Variants in DLGAP2 observed in about 807,000 individuals in gnomAD.
The protein encoded by DLGAP2 is DLG associated protein 2.
Under a neutral mutation model 100.3 loss-of-function variants are expected in DLGAP2, and 26 were observed. The observed-to-expected ratio is 0.26, with a 90% CI of 0.19 to 0.36. DLGAP2 has a LOEUF of 0.36. Ranked by LOEUF, DLGAP2 falls within the 10% of genes least tolerant of loss-of-function variation. DLGAP2 has a pLI of 1.00. For missense variants in DLGAP2, 1,858 were observed against 1,453.2 expected (o/e 1.28, Z -4.53); for synonymous variants, 886 against 630.1 (o/e 1.41, Z -6.08).
At chr8:1,334,858 C>T (rs780020262) in intron 3 of DLGAP2, among the ~76,000 whole-genome samples, 16 of 152,134 alleles carry the variant, frequency 1.1e-4, no homozygotes, top group Non-Finnish European at 1.9e-4. Flanking sequence ...GCTGTCTTGC[C>T]TCTCTCGCCT....
intron 6 of DLGAP2, among the ~76,000 whole-genome samples, chr8:1,602,484 C>G (rs1394667422): frequency 6.6e-6 from 1 of 152,220 alleles, no homozygotes; most frequent in African/African-American, 2.4e-5. Flanking sequence ...GCCATGTTGC[C>G]CAGAGCTAGC....
chr8:765,680 A>G (rs546761424), intron 1 of DLGAP2, among the ~76,000 whole-genome samples: 3 of 152,294 alleles, frequency 2.0e-5, no homozygotes, highest in South Asian at 4.1e-4. Context: ...CTAAGACTCT[A>G]TGGAGTTTCC....
intron 2 of DLGAP2, among the ~76,000 whole-genome samples, chr8:1,048,794 G>A (rs909749474): frequency 6.6e-6 from 1 of 152,020 alleles, no homozygotes; most frequent in Non-Finnish European, 1.5e-5. Context: ...ACCCTCTCCT[G>A]TGTGCCTTTC....
intron 2 of DLGAP2, among the ~76,000 whole-genome samples, chr8:1,101,374 C>T (rs553464596): frequency 4.7e-4 from 71 of 152,132 alleles, no homozygotes; most frequent in African/African-American, 1.1e-3. Context: ...ATTAGAATTC[C>T]GCCACAGGCT....
intron 1 of DLGAP2, among the ~76,000 whole-genome samples, chr8:877,580 T>C (rs906202994): frequency 7.2e-5 from 11 of 152,240 alleles, no homozygotes; most frequent in Non-Finnish European, 1.6e-4. Flanking sequence ...TGTGGCTTCT[T>C]TGAAGGAATA....
chr8:769,725 C>A (rs771522621), intron 1 of DLGAP2, among the ~76,000 whole-genome samples: 22 of 152,162 alleles, frequency 1.4e-4, no homozygotes, highest in Non-Finnish European at 2.6e-4. Context: ...TTCTACTCCC[C>A]TTCCTCCTAG....
chr8:1,414,941 G>T (rs1346020051), intron 3 of DLGAP2, among the ~76,000 whole-genome samples: 1 of 152,130 alleles, frequency 6.6e-6, no homozygotes, highest in Non-Finnish European at 1.5e-5. Flanking sequence ...CCTGGGAGGT[G>T]GAGGTTTCAG....
At chr8:857,761 G>A (rs928213971) in intron 1 of DLGAP2, among the ~76,000 whole-genome samples, 6 of 152,164 alleles carry the variant, frequency 3.9e-5, no homozygotes, top group East Asian at 1.9e-4. Context: ...ACTGAAGACC[G>A]CTAGGTGGTT....
intron 3 of DLGAP2, among the ~76,000 whole-genome samples, chr8:1,489,752 G>T (rs756816747): frequency 6.6e-6 from 1 of 152,166 alleles, no homozygotes; most frequent in Non-Finnish European, 1.5e-5. Flanking sequence ...AAACCGCATC[G>T]AGTTTGAGTA....
chr8:1,300,899 T>G (rs1800320473), intron 3 of DLGAP2: 1 of 152,372 alleles, frequency 6.6e-6, no homozygotes, highest in Middle Eastern at 3.4e-3. Context: ...TGAGGCCGCG[T>G]AGATAAACCC....
intron 3 of DLGAP2, among the ~76,000 whole-genome samples, chr8:1,362,942 G>C (rs951857206): frequency 6.6e-6 from 1 of 151,910 alleles, no homozygotes; most frequent in African/African-American, 2.4e-5. Flanking sequence ...TCTTCACTTC[G>C]GGGCAGCACC....
In DLGAP2 at chr8:1,497,018, G is replaced by A. The variant is rs147867411; in HGVS notation, c.107-4348G>A. ...GGTTTACGGGGTCTCCAGGTCACAC[G>A]TTATGGAGCACTGCCTTCATCAAGC... is the stretch of plus-strand genomic sequence containing the variant. On this transcript the variant is annotated intron_variant, in intron 3 of 14. Transcript: ENST00000637795. Among the ~76,000 whole-genome samples the A allele has an allele frequency of 2.0e-3, 300 of 152,208 alleles. 2 individuals carry two copies. Among genetic ancestry groups the A allele is most frequent in the African/African-American group, 6.8e-3 (283 of 41,520 alleles).
chr8:1,375,463 GGCCTC>G (rs1460460416), intron 3 of DLGAP2, among the ~76,000 whole-genome samples: 2 of 12,968 alleles, frequency 1.5e-4, no homozygotes, highest in Non-Finnish European at 1.4e-4. Context: ...ACCTCTCCAC[GGCCTC>G]AGAACTGAGC....
chr8:940,605 G>A lies in DLGAP2; in HGVS notation c.73+32639G>A, dbSNP rs560535203. 4.6e-5 allele frequency among the ~76,000 whole-genome samples: 7 copies of A among 152,278 alleles called. No homozygotes were observed. In the South Asian group the frequency reaches 1.5e-3, roughly 32 times the overall value. On this transcript the variant is annotated intron_variant, in intron 2 of 14. Coordinates refer to ENST00000637795, the MANE Select transcript of DLGAP2 (RefSeq NM_001346810.2). Reference sequence around the variant, plus strand: ...CAGGGCTCTGGCAACAGCTGGGGAGGGCAGCCTGGGACGTTTTCGGGGGAA... The same window carrying A: ...CAGGGCTCTGGCAACAGCTGGGGAGAGCAGCCTGGGACGTTTTCGGGGGAA...
chr8:1,217,833 G>C (rs1798243326), intron 2 of DLGAP2, among the ~76,000 whole-genome samples: 1 of 152,086 alleles, frequency 6.6e-6, no homozygotes, highest in African/African-American at 2.4e-5. Context: ...TTGTGATTTT[G>C]ATATGCATTT....
intron 2 of DLGAP2, among the ~76,000 whole-genome samples, chr8:1,087,951 G>A (rs1301312538): frequency 1.3e-5 from 2 of 152,220 alleles, no homozygotes; most frequent in African/African-American, 4.8e-5. Context: ...CAATGTCAGT[G>A]CCAGTTCCTG....
rs186185238 is a variant in DLGAP2 at position 1,173,248 on chromosome 8, T to C, written c.74-85603T>C. Among the ~76,000 whole-genome samples the C allele has an allele frequency of 2.3e-3, 346 of 152,278 alleles. 1 individual carries two copies. The highest frequency in any genetic ancestry group is 3.5e-3 in the South Asian group (17 of 4,826). ...CCTGATCGTTCTTCTGGAAGTTTTG[T>C]CTCAGAGGAGTACCCGGCCACGTGA... is the stretch of plus-strand genomic sequence containing the variant. On this transcript the variant is annotated intron_variant, in intron 2 of 14. Transcript: ENST00000637795.
At chr8:904,541 G>A (rs576285507) in intron 1 of DLGAP2, among the ~76,000 whole-genome samples, 2 of 152,312 alleles carry the variant, frequency 1.3e-5, no homozygotes, top group South Asian at 4.1e-4. Context: ...GGCTGCATGT[G>A]ACGGCCCCAG....
At chr8:847,487 T>G (rs976283778) in intron 1 of DLGAP2, among the ~76,000 whole-genome samples, 1 of 152,100 alleles carries the variant, frequency 6.6e-6, no homozygotes, top group Admixed American at 6.6e-5. Flanking sequence ...TGGATTATCT[T>G]GATTGTGTAC....
Sources: gnomAD v4.1 joint callset for allele counts (sites outside exome capture counted in the v4.1 genomes callset) on GRCh38, gnomAD v4.1.1 for gene constraint, MANE v1.5 for transcripts, NCBI Gene and HGNC (gene_info 2026-07-23, HGNC 2026-07-21) for gene names.